The following THAP7 variants were observed in gnomAD, a reference collection of about 807,000 sequenced individuals.
THAP7 encodes THAP domain-containing protein 7.
Under a neutral mutation model 29.2 loss-of-function variants are expected in THAP7, and 22 were observed. The ratio of observed to expected loss-of-function variants is 0.75; its 90% CI spans 0.54 to 1.08. The LOEUF (loss-of-function observed/expected upper bound fraction) is 1.08. THAP7 is among the 50% of genes least tolerant of loss of function. The pLI, the probability that THAP7 is intolerant of heterozygous loss-of-function variation, is 0.00. For synonymous variants in THAP7, 208 were observed against 173.4 expected (o/e 1.20, Z -1.57); for missense variants, 448 against 416.2 (o/e 1.08, Z -0.66).
At chr22:21,001,583 G>A in intron 1 of THAP7, 172 bp from the exon 2 acceptor site, 1 of 1,075,078 alleles carries the variant, frequency 9.3e-7, no homozygotes, top group South Asian at 1.6e-5. Context: ...GAGGCCTCGA[G>A]AAGAAAAGCA....
At chr22:21,001,798 T>C (rs971793379) in intron 1 of THAP7, 34 bp downstream of exon 1, 23 of 1,537,550 alleles carry the variant, frequency 1.5e-5, no homozygotes, top group Middle Eastern at 1.7e-4. Context: ...AACTAGCGCA[T>C]GCGCACGTGA....
Position 20,999,763 on chromosome 22 carries a change from C to T in THAP7, c.*117G>A, listed in dbSNP as rs890555639. The T allele has an allele frequency of 7.9e-7, 1 of 1,267,138 alleles. No homozygotes were observed. Among genetic ancestry groups the T allele is most frequent in the Non-Finnish European group, 1.1e-6 (1 of 937,804 alleles). The allele number at this position is 1,267,138 out of a possible 1,614,324, so 78.5% of individuals were successfully genotyped here. On this transcript the variant is annotated 3_prime_UTR_variant, in exon 4 of 4. Coordinates refer to ENST00000215742, the MANE Select transcript of THAP7 (RefSeq NM_030573.3). ...GGCTCCAGCCCCCAGCTGAGCCAGA[C>T]AGCAGGCCCTCCGTCTAGAATCCGC... is the stretch of plus-strand genomic sequence containing the variant.
chr22:21,001,437 C>A, intron 1 of THAP7, 26 bp from the exon 2 acceptor site: 4 of 1,610,650 alleles, frequency 2.5e-6, no homozygotes, highest in Non-Finnish European at 3.4e-6. Flanking sequence ...CCCGTGAGCA[C>A]CAGGCTGTCC....
chr22:21,000,548 G>A, intron 3 of THAP7, 99 bp downstream of exon 3: 1 of 1,582,050 alleles, frequency 6.3e-7, no homozygotes, highest in East Asian at 2.2e-5. Flanking sequence ...GTTCTGTGTA[G>A]CAAGAACCCT....
At position 21,000,306 on chromosome 22, in the gene THAP7, C is replaced by T; in HGVS notation, c.504G>A (p.Glu168=). 1.3e-6 allele frequency: 2 copies of T among 1,555,472 alleles called. No individual in the cohort carries two copies. Among genetic ancestry groups the T allele is most frequent in the Non-Finnish European group, 1.7e-6 (2 of 1,149,760 alleles). Residue 168 remains glutamate (E), a synonymous_variant, in exon 4 of 4, where the codon GAG becomes GAA. Transcript: ENST00000215742. ...CTGAAAAGGGGCTGCTAAGGCCAGG[C>T]TCCAGCCTCCCAGCTGGGGAGGCCG... is the stretch of plus-strand genomic sequence containing the variant. The part of the protein sequence containing the change: ...TLPASPAGRL[E]PGLSSPFSDL...
chr22:21,001,850 CG>C lies in THAP7; in HGVS notation c.61del (p.Arg21AlafsTer64). On this transcript the variant is annotated frameshift_variant, in exon 1 of 4. Coordinates refer to ENST00000215742, the MANE Select transcript of THAP7 (RefSeq NM_030573.3). LOFTEE classifies it high-confidence loss of function. ...CGCTGACCTGTGGAAGGAGATGCCG[CG>C]GTTGCGCGTCTCGCGCGTGTCCCGT... ...CTRDTRETRNRGISFHRLPKK... is the reference protein window; with the variant it reads ...CTRDTRETRNXGISFHRLPKK... 1 of 1,560,832 alleles carries C rather than the reference CG, an allele frequency of 6.4e-7. No individual in the cohort carries two copies. Among genetic ancestry groups the C allele is most frequent in the African/African-American group, 1.4e-5 (1 of 73,440 alleles).
At position 20,999,636 on chromosome 22, in the gene THAP7, G is replaced by A. The variant is rs3747084; in HGVS notation, c.*244C>T. On this transcript the variant is annotated 3_prime_UTR_variant, in exon 4 of 4. Coordinates refer to ENST00000215742, the MANE Select transcript of THAP7 (RefSeq NM_030573.3). ...GCCACCTGTCTACCAGTAGCTCTGA[G>A]GGGTGAGAGCCAGGCTCCCTGTTCT... is the stretch of plus-strand genomic sequence containing the variant. The A allele has an allele frequency of 0.12, 64,538 of 553,480 alleles. 4,117 individuals are homozygous for A. Among genetic ancestry groups the A allele is most frequent in the South Asian group, 0.15 (6,495 of 44,544 alleles). 34.3% of individuals were successfully genotyped at this position (553,480 alleles called of 1,614,324 possible).
Position 20,999,707 on chromosome 22 carries a change from T to C in THAP7, c.*173A>G. ...TGAGCCCTCTAGGAGCTGCAGCCAC[T>C]GTCTGGGGCAGCAAGCTTAGTACTC... On this transcript the variant is annotated 3_prime_UTR_variant, in exon 4 of 4. Coordinates refer to ENST00000215742, the MANE Select transcript of THAP7 (RefSeq NM_030573.3). The C allele has an allele frequency of 4.1e-6, 3 of 733,950 alleles. No individual in the cohort carries two copies. The highest frequency in any genetic ancestry group is 6.5e-6 in the Non-Finnish European group (3 of 460,788). The allele number at this position is 733,950 out of a possible 1,614,324, so 45.5% of individuals were successfully genotyped here.
Position 21,002,113 on chromosome 22 carries a change from T to A in THAP7, c.-202A>T. 1 of 560,242 alleles carries A rather than the reference T, an allele frequency of 1.8e-6. No individual in the cohort carries two copies. Among genetic ancestry groups the A allele is most frequent in the Non-Finnish European group, 3.1e-6 (1 of 326,412 alleles). The allele number at this position is 560,242 out of a possible 1,614,324, so 34.7% of individuals were successfully genotyped here. ...TCTGGCCATTGCTGCGCCGCCGAAG[T>A]CTCGCGAGGGGTAGCGCGCGCCGGA... is the stretch of plus-strand genomic sequence containing the variant. On this transcript the variant is annotated 5_prime_UTR_variant, in exon 1 of 4. Transcript: ENST00000215742.
In THAP7 at chr22:21,000,706, T is replaced by C. The variant is rs1364156861; in HGVS notation, c.318A>G (p.Lys106=). The change falls in exon 3 of 4, where the codon AAA becomes AAG. Residue 106 remains lysine, a synonymous_variant. Coordinates refer to ENST00000215742, the MANE Select transcript of THAP7 (RefSeq NM_030573.3). The part of the protein sequence containing the change: ...FSKLRRTTKT[K]GHSYPPGPAE... ...CGGGGCCAGGTGGGTAACTGTGTCC[T>C]TTGGTCTTGGTTGTCCGGCGCAACT... 1 of 1,614,186 alleles carries C rather than the reference T, an allele frequency of 6.2e-7. No homozygotes were observed. Among genetic ancestry groups the C allele is most frequent in the Admixed American group, 1.7e-5 (1 of 60,028 alleles).
chr22:21,000,579 G>C lies in THAP7; in HGVS notation c.377+68C>G, dbSNP rs907976358. ...ACCCTGTCCAGCGAGACTGCTGGCA[G>C]ACACCCCTAGGGCCCAGTCCCTCAG... On this transcript the variant is annotated intron_variant, in intron 3 of 3. Transcript: ENST00000215742. 9.4e-6 allele frequency: 15 copies of C among 1,603,298 alleles called. No individual in the cohort carries two copies. In the East Asian group the frequency reaches 3.4e-4, roughly 36 times the overall value.
rs1002425686 is a variant in THAP7 at position 20,999,715 on chromosome 22, G to A, written c.*165C>T. 6 of 777,308 alleles carry A rather than the reference G, an allele frequency of 7.7e-6. No individual in the cohort carries two copies. Among genetic ancestry groups the A allele is most frequent in the African/African-American group, 7.0e-5 (4 of 57,032 alleles). The allele number at this position is 777,308 out of a possible 1,614,324, so 48.2% of individuals were successfully genotyped here. On this transcript the variant is annotated 3_prime_UTR_variant, in exon 4 of 4. Transcript: ENST00000215742. ...CTAGGAGCTGCAGCCACTGTCTGGGGCAGCAAGCTTAGTACTCAGAGGGGC... is the reference window on the plus strand; with the variant it reads ...CTAGGAGCTGCAGCCACTGTCTGGGACAGCAAGCTTAGTACTCAGAGGGGC...
Position 21,001,885 on chromosome 22 carries a change from G to A in THAP7, c.27C>T (p.Gly9=). 1.3e-6 allele frequency: 2 copies of A among 1,573,520 alleles called. No homozygotes were observed. Residue 9 remains glycine (G), a synonymous_variant, in exon 1 of 4, where the codon GGC becomes GGT. Transcript: ENST00000215742. MPRHCSAA[G]CCTRDTRETR... ...TCTCGCGCGTGTCCCGTGTGCAGCA[G>A]CCGGCGGCGGAGCAGTGACGCGGCA... is the stretch of plus-strand genomic sequence containing the variant.
At position 21,000,906 on chromosome 22, in the gene THAP7, G is replaced by C. The variant is rs937342316; in HGVS notation, c.237-119C>G. On this transcript the variant is annotated intron_variant, in intron 2 of 3. Coordinates refer to ENST00000215742, the MANE Select transcript of THAP7 (RefSeq NM_030573.3). ...GCATCGTGCAAACAATACGTCTGGG[G>C]AACGCCAAGTTACAGCTACACCAAT... 1.4e-5 allele frequency: 21 copies of C among 1,485,174 alleles called. No homozygotes were observed. In the Middle Eastern group the frequency reaches 7.1e-4, roughly 50 times the overall value. The allele number at this position is 1,485,174 out of a possible 1,614,324, so 92.0% of individuals were successfully genotyped here.
chr22:21,000,230 G>C lies in THAP7; in HGVS notation c.580C>G (p.Gln194Glu). 6.4e-7 allele frequency: 1 copy of C among 1,557,582 alleles called. No homozygotes were observed. Residue 194 changes from glutamine to glutamate, a missense_variant, in exon 4 of 4, where the codon CAG (glutamine) becomes GAG (glutamate). Physicochemically the swap from Gln to Glu is conservative, Grantham distance 29. Coordinates refer to ENST00000215742, the MANE Select transcript of THAP7 (RefSeq NM_030573.3). Reference sequence around the variant, plus strand: ...GAGGGCTGCCGCTCTGGTGAAGGCTGGGCGCTGCAGCCTGCTTCATCTGCC... The same window carrying C: ...GAGGGCTGCCGCTCTGGTGAAGGCTCGGCGCTGCAGCCTGCTTCATCTGCC... ...AQADEAGCSA[Q>E]PSPERQPSPL...
In THAP7 at chr22:21,001,735, G is replaced by A. The variant is rs191524750; in HGVS notation, c.80+97C>T. 1.1e-4 allele frequency: 147 copies of A among 1,315,112 alleles called. 1 individual carries two copies. Among genetic ancestry groups the A allele is most frequent in the Non-Finnish European group, 1.5e-4 (146 of 970,008 alleles). The allele number at this position is 1,315,112 out of a possible 1,614,324, so 81.5% of individuals were successfully genotyped here. ...CCACCCACAGGTTCAAGCCTCCTCA[G>A]TATCTGAGAAAGGCGCGAAGCCTCT... On this transcript the variant is annotated intron_variant, in intron 1 of 3. Transcript: ENST00000215742.
In THAP7 at chr22:21,000,851, C is replaced by T. The variant is rs191050248; in HGVS notation, c.237-64G>A. The T allele has an allele frequency of 9.4e-6, 15 of 1,604,086 alleles. No individual in the cohort carries two copies. In the East Asian group the frequency reaches 2.7e-4, roughly 29 times the overall value. On this transcript the variant is annotated intron_variant, in intron 2 of 3. Coordinates refer to ENST00000215742, the MANE Select transcript of THAP7 (RefSeq NM_030573.3). ...TGCTGCCTCCCCAGGCCAATCTGCCCCCAGCAGCAGCGCCGTGGGATGCTG... is the reference window on the plus strand; with the variant it reads ...TGCTGCCTCCCCAGGCCAATCTGCCTCCAGCAGCAGCGCCGTGGGATGCTG...
rs1198257152 is a variant in THAP7, at chr22:21,001,218, C to A, written c.236+38G>T. The A allele has an allele frequency of 1.9e-6, 3 of 1,605,638 alleles. No homozygotes were observed. The African/African-American group carries it at 4.0e-5, about 21-fold the overall frequency. On this transcript the variant is annotated intron_variant, in intron 2 of 3. Coordinates refer to ENST00000215742, the MANE Select transcript of THAP7 (RefSeq NM_030573.3). Reference sequence around the variant, plus strand: ...AGCTGTCCCAGTCCGCCGGGAGCCCCACATCCTACCCCAGCGTCGGCCGGC... The same window carrying A: ...AGCTGTCCCAGTCCGCCGGGAGCCCAACATCCTACCCCAGCGTCGGCCGGC...
chr22:21,001,201 C>T, intron 2 of THAP7, 55 bp downstream of exon 2: 1 of 1,599,820 alleles, frequency 6.3e-7, no homozygotes, highest in Non-Finnish European at 8.5e-7. Flanking sequence ...GCAGCTGTCC[C>T]AGTCCGCCGG....
Sources: allele counts gnomAD v4.1 joint callset, GRCh38; gene constraint gnomAD v4.1.1; transcripts MANE v1.5; gene names NCBI Gene and HGNC (gene_info 2026-07-23, HGNC 2026-07-21).